Variants in RAD51B observed in about 807,000 individuals in gnomAD.
The protein encoded by RAD51B is RAD51 paralog B.
Under a neutral mutation model 42.2 loss-of-function variants are expected in RAD51B, and 38 were observed. The ratio of observed to expected loss-of-function variants is 0.90; its 90% CI spans 0.70 to 1.18. The LOEUF is 1.18. Among genes scored for constraint, RAD51B ranks in the 50% most tolerant of loss-of-function variants. The pLI is 0.00. For synonymous variants in RAD51B, 154 were observed against 145.2 expected (o/e 1.06, Z -0.43); for missense variants, 373 against 400.7 (o/e 0.93, Z 0.59).
chr14:68,576,262 GC>G (rs1414305691), intron 10 of RAD51B, among the ~76,000 whole-genome samples: 1 of 152,208 alleles, frequency 6.6e-6, no homozygotes, highest in Non-Finnish European at 1.5e-5. Flanking sequence ...CTAGCACTCA[GC>G]CCCAGGGGTC....
At chr14:68,320,197 C>G (rs2082132256) in intron 8 of RAD51B, among the ~76,000 whole-genome samples, 1 of 152,166 alleles carries the variant, frequency 6.6e-6, no homozygotes, top group East Asian at 1.9e-4. Context: ...TACTTTCGGT[C>G]TGAAACTGGC....
At chr14:68,047,003 T>G (rs1189974964) in intron 7 of RAD51B, among the ~76,000 whole-genome samples, 1 of 151,510 alleles carries the variant, frequency 6.6e-6, no homozygotes. Context: ...GTTCCCACAA[T>G]ATTAAGAGAC....
chr14:68,663,353 A>G (rs6573849), intron 11 of RAD51B, among the ~76,000 whole-genome samples: 137,204 of 151,890 alleles, frequency 0.9, 62,202 homozygotes, highest in African/African-American at 0.97. Flanking sequence ...GACAAGGTCA[A>G]GATATTTATT....
At chr14:68,437,594 T>A (rs2085177193) in intron 9 of RAD51B, among the ~76,000 whole-genome samples, 1 of 152,194 alleles carries the variant, frequency 6.6e-6, no homozygotes, top group Non-Finnish European at 1.5e-5. Flanking sequence ...TTCCCTCCAT[T>A]CCTGCCTCAT....
intron 10 of RAD51B, among the ~76,000 whole-genome samples, chr14:68,584,988 C>T (rs944124681): frequency 1.9e-4 from 29 of 152,258 alleles, no homozygotes; most frequent in Admixed American, 1.8e-3. Context: ...ACTCTTAGCC[C>T]AATCCAGGAC....
chr14:67,997,005 G>A (rs1247945218), intron 7 of RAD51B, among the ~76,000 whole-genome samples: 1 of 152,128 alleles, frequency 6.6e-6, no homozygotes, highest in Non-Finnish European at 1.5e-5. Context: ...TTTTTCCTGT[G>A]TAAGTGCATT....
chr14:68,508,970 A>G (rs151335161), intron 10 of RAD51B, among the ~76,000 whole-genome samples: 54 of 152,322 alleles, frequency 3.5e-4, no homozygotes, highest in African/African-American at 1.2e-3. Flanking sequence ...CTGCCATGCA[A>G]TCATAATCCT....
rs1312928247 is a variant in RAD51B, at chr14:68,265,709, A to G, written c.757-26175A>G. Among the ~76,000 whole-genome samples the G allele has an allele frequency of 2.0e-5, 3 of 152,296 alleles. No individual in the cohort carries two copies. In the East Asian group the frequency reaches 5.8e-4, roughly 29 times the overall value. On this transcript the variant is annotated intron_variant, in intron 7 of 10. Transcript: ENST00000471583. ...GGAGGTTGCAATGAGCTGAGATCACATACCACTGCACTCCTGCCTGGGCAA... is the reference window on the plus strand; with the variant it reads ...GGAGGTTGCAATGAGCTGAGATCACGTACCACTGCACTCCTGCCTGGGCAA...
chr14:67,884,159 A>G (rs935254776), intron 5 of RAD51B, among the ~76,000 whole-genome samples: 1 of 152,216 alleles, frequency 6.6e-6, no homozygotes, highest in Non-Finnish European at 1.5e-5. Flanking sequence ...ATTACAGCAT[A>G]TTGGTGTGTA....
At chr14:68,129,283 A>G (rs2767369) in intron 7 of RAD51B, among the ~76,000 whole-genome samples, 60 of 152,326 alleles carry the variant, frequency 3.9e-4, no homozygotes, top group African/African-American at 1.3e-3. Context: ...CCAGGCAAAC[A>G]CTGATTGCTG....
At chr14:68,198,750 C>G (rs973954767) in intron 7 of RAD51B, among the ~76,000 whole-genome samples, 1 of 152,166 alleles carries the variant, frequency 6.6e-6, no homozygotes, top group Non-Finnish European at 1.5e-5. Flanking sequence ...TTATGCAGTT[C>G]TCAGCCTTGA....
intron 7 of RAD51B, among the ~76,000 whole-genome samples, chr14:68,214,787 C>T (rs1259051936): frequency 1.3e-5 from 2 of 152,184 alleles, no homozygotes; most frequent in African/African-American, 4.8e-5. Flanking sequence ...AAATACAGCT[C>T]GTGTCCTTCC....
At chr14:68,129,601 GA>G (rs1387862059) in intron 7 of RAD51B, among the ~76,000 whole-genome samples, 1 of 152,124 alleles carries the variant, frequency 6.6e-6, no homozygotes, top group Non-Finnish European at 1.5e-5. Context: ...GATCTTGAAA[GA>G]ATAAAAGACT....
intron 10 of RAD51B, among the ~76,000 whole-genome samples, chr14:68,582,786 A>T (rs1259632844): frequency 6.6e-6 from 1 of 152,246 alleles, no homozygotes; most frequent in Non-Finnish European, 1.5e-5. Context: ...GGATAAAGAA[A>T]ATGTAGCACA....
At chr14:68,581,061 A>T (rs1890187106) in intron 10 of RAD51B, among the ~76,000 whole-genome samples, 1 of 151,748 alleles carries the variant, frequency 6.6e-6, no homozygotes, top group African/African-American at 2.4e-5. Flanking sequence ...ATTTTTTTTT[A>T]GGAGAAGGGA....
intron 8 of RAD51B, among the ~76,000 whole-genome samples, chr14:68,315,762 T>TCTG (rs2082047409): frequency 6.6e-6 from 1 of 152,228 alleles, no homozygotes; most frequent in Non-Finnish European, 1.5e-5. Flanking sequence ...GACCTCATGA[T>TCTG]CTGCCCGCCT....
intron 7 of RAD51B, among the ~76,000 whole-genome samples, chr14:68,096,174 C>T (rs530383673): frequency 6.6e-5 from 10 of 152,202 alleles, no homozygotes; most frequent in South Asian, 2.1e-4. Context: ...GTCTTCATTA[C>T]GCTCCTCAAT....
At chr14:68,540,806 A>T (rs913278981) in intron 10 of RAD51B, 1 of 985,442 alleles carries the variant, frequency 1.0e-6, no homozygotes, top group Middle Eastern at 5.2e-4. Context: ...ACAAAGAGCA[A>T]AGAATGGAAT....
intron 8 of RAD51B, among the ~76,000 whole-genome samples, chr14:68,350,077 A>G (rs1419411871): frequency 6.6e-6 from 1 of 152,208 alleles, no homozygotes; most frequent in Non-Finnish European, 1.5e-5. Flanking sequence ...TTTAGCTTCC[A>G]CCACATGTTT....
Sources: allele counts gnomAD v4.1 joint callset (sites outside exome capture counted in the v4.1 genomes callset), GRCh38; gene constraint gnomAD v4.1.1; transcripts MANE v1.5; gene names NCBI Gene and HGNC (gene_info 2026-07-23, HGNC 2026-07-21).